TNS3: variants seen among roughly 807,000 people sequenced by gnomAD.
TNS3 encodes the protein tensin-3.
In TNS3, 45 loss-of-function variants were observed where a neutral mutation model predicts 140.9. The ratio of observed to expected loss-of-function variants is 0.32; its 90% confidence interval spans 0.25 to 0.41. The LOEUF (loss-of-function observed/expected upper bound fraction) is 0.41, where lower values mean the gene tolerates loss of function less well. Among genes scored for constraint, TNS3 ranks in the 10% least tolerant of loss-of-function variants. The probability of loss-of-function intolerance (pLI) is 1.00; values close to 1 mark genes in which losing one functional copy is unlikely to be tolerated. For synonymous variants in TNS3, 815 were observed against 788.4 expected (o/e 1.03, Z -0.56); for missense variants, 1,716 against 1,906.7 (o/e 0.90, Z 1.86).
chr7:47,345,102 T>C (rs1789256213), intron 18 of TNS3, 64 bp from the exon 19 acceptor site: 3 of 1,341,380 alleles, frequency 2.2e-6, no homozygotes, highest in Non-Finnish European at 3.2e-6. Flanking sequence ...CTCCAAACAG[T>C]TGTGGTTGTG....
intron 20 of TNS3, among the ~76,000 whole-genome samples, chr7:47,332,898 T>A (rs896016247): frequency 6.6e-6 from 1 of 152,172 alleles, no homozygotes; most frequent in Admixed American, 6.5e-5. Flanking sequence ...CAGAATAACT[T>A]CTACATGCTG....
At chr7:47,578,357 T>C (rs1033568906) in intron 1 of TNS3, among the ~76,000 whole-genome samples, 2 of 152,132 alleles carry the variant, frequency 1.3e-5, no homozygotes, top group African/African-American at 4.8e-5. Flanking sequence ...AATCCTCCCC[T>C]TCCCTGACAC....
At chr7:47,312,208 C>G (rs184587372) in intron 20 of TNS3, among the ~76,000 whole-genome samples, 1 of 152,118 alleles carries the variant, frequency 6.6e-6, no homozygotes, top group Non-Finnish European at 1.5e-5. Flanking sequence ...TGTGACTGAC[C>G]GCCCCTCCTC....
intron 17 of TNS3, among the ~76,000 whole-genome samples, chr7:47,364,715 G>A (rs538344919): frequency 1.8e-4 from 28 of 152,324 alleles, no homozygotes; most frequent in African/African-American, 6.3e-4. Flanking sequence ...CCTAGCACAA[G>A]AGGCACGTCC....
At chr7:47,530,485 T>G (rs1799352213) in intron 1 of TNS3, among the ~76,000 whole-genome samples, 3 of 151,828 alleles carry the variant, frequency 2.0e-5, no homozygotes, top group Admixed American at 1.3e-4. Flanking sequence ...CTGAAACTTT[T>G]TCAAACCAGG....
At chr7:47,530,564 C>G (rs1799354519) in intron 1 of TNS3, among the ~76,000 whole-genome samples, 1 of 151,740 alleles carries the variant, frequency 6.6e-6, no homozygotes, top group Non-Finnish European at 1.5e-5. Context: ...TGGCTCACAC[C>G]TGTAATCCGA....
intron 4 of TNS3, among the ~76,000 whole-genome samples, chr7:47,467,852 C>T (rs1255458770): frequency 6.6e-6 from 1 of 152,182 alleles, no homozygotes; most frequent in African/African-American, 2.4e-5. Flanking sequence ...CAGCTCCCTC[C>T]CACAGCACGC....
intron 13 of TNS3, among the ~76,000 whole-genome samples, chr7:47,409,286 G>A (rs1793624971): frequency 6.7e-6 from 1 of 150,302 alleles, no homozygotes; most frequent in African/African-American, 2.5e-5. Context: ...CCTGGTCTCA[G>A]GAAGACCCTG....
chr7:47,400,531 TTA>T, intron 14 of TNS3, 73 bp from the exon 15 acceptor site: 1 of 1,496,876 alleles, frequency 6.7e-7, no homozygotes. Flanking sequence ...ACTTTGTCCT[TTA>T]TTCCAACCAG....
chr7:47,441,217 T>C (rs1308297722), intron 5 of TNS3, among the ~76,000 whole-genome samples: 1 of 152,166 alleles, frequency 6.6e-6, no homozygotes, highest in Non-Finnish European at 1.5e-5. Flanking sequence ...TCTCGCTCTG[T>C]CGCCAGGCTG....
chr7:47,325,137 A>C (rs773816422), intron 20 of TNS3, among the ~76,000 whole-genome samples: 4 of 152,170 alleles, frequency 2.6e-5, no homozygotes, highest in Admixed American at 6.5e-5. Flanking sequence ...CCCAAGACCC[A>C]CATCTTCCAG....
At chr7:47,446,349 G>A (rs1238408849) in intron 4 of TNS3, among the ~76,000 whole-genome samples, 2 of 152,166 alleles carry the variant, frequency 1.3e-5, no homozygotes, top group Admixed American at 6.5e-5. Flanking sequence ...GCCTGCTCAC[G>A]TCCTCAGAAG....
intron 28 of TNS3, among the ~76,000 whole-genome samples, chr7:47,282,079 G>A (rs1362590387): frequency 6.6e-6 from 1 of 151,692 alleles, no homozygotes; most frequent in Non-Finnish European, 1.5e-5. Flanking sequence ...CCACCATGTA[G>A]CTCCGCTATG....
chr7:47,415,332 C>T, intron 10 of TNS3, 126 bp from the exon 11 acceptor site: 2 of 638,324 alleles, frequency 3.1e-6, no homozygotes, highest in Non-Finnish European at 5.4e-6. Flanking sequence ...CCACTGCTCA[C>T]AGCCAGGGGT....
intron 16 of TNS3, among the ~76,000 whole-genome samples, chr7:47,379,466 C>T (rs770638593): frequency 6.6e-6 from 1 of 152,110 alleles, no homozygotes; most frequent in Non-Finnish European, 1.5e-5. Flanking sequence ...ACAGAAAATT[C>T]AAGAGCTAAG....
At chr7:47,350,424 G>A (rs546151690) in intron 17 of TNS3, among the ~76,000 whole-genome samples, 1 of 152,346 alleles carries the variant, frequency 6.6e-6, no homozygotes, top group Non-Finnish European at 1.5e-5. Context: ...CCTGGTGGGG[G>A]TGCATTTCCA....
At chr7:47,345,686 G>A (rs1789294666) in intron 18 of TNS3, among the ~76,000 whole-genome samples, 1 of 152,108 alleles carries the variant, frequency 6.6e-6, no homozygotes, top group Admixed American at 6.5e-5. Flanking sequence ...TCTCATCTGT[G>A]GCCCTCATCT....
intron 20 of TNS3, among the ~76,000 whole-genome samples, chr7:47,309,204 T>C (rs1786935558): frequency 6.6e-6 from 1 of 152,240 alleles, no homozygotes; most frequent in Admixed American, 6.5e-5. Context: ...TTTTTGTTTG[T>C]TCAGTCAGGA....
At position 47,297,158 on chromosome 7, in the gene TNS3, A is replaced by G; in HGVS notation, c.3600T>C (p.His1200=). 1.9e-6 allele frequency: 3 copies of G among 1,613,890 alleles called. No individual in the cohort carries two copies. The highest frequency in any genetic ancestry group is 2.5e-6 in the Non-Finnish European group (3 of 1,179,976). ...CCAGGCCATAGGCCCCTCGGAAGGA[A>G]TGGCTGTCTCGAACAATGAATGAGC... The part of the protein sequence containing the change: ...EPGSFIVRDS[H]SFRGAYGLAM... Residue 1200 remains histidine (H), a synonymous_variant, in exon 24 of 31, where the codon CAT becomes CAC. Coordinates refer to ENST00000311160, the MANE Select transcript of TNS3 (RefSeq NM_022748.12).
Sources: allele counts gnomAD v4.1 joint callset (sites outside exome capture counted in the v4.1 genomes callset), GRCh38; gene constraint gnomAD v4.1.1; transcripts MANE v1.5; gene names NCBI Gene and HGNC (gene_info 2026-07-23, HGNC 2026-07-21).